DIPK1B: variants seen among roughly 807,000 people sequenced by gnomAD.
The protein encoded by DIPK1B is family with sequence similarity 69 member B.
A neutral mutation model predicts 20.7 loss-of-function variants in DIPK1B; 17 were observed. The observed-to-expected ratio is 0.82, with a 90% CI of 0.56 to 1.23. DIPK1B has a LOEUF of 1.23. DIPK1B is among the 50% of genes most tolerant of loss of function. The pLI is 0.00. For synonymous variants in DIPK1B, 343 were observed against 276.5 expected (o/e 1.24, Z -2.39); for missense variants, 648 against 601.8 (o/e 1.08, Z -0.80).
intron 2 of DIPK1B, chr9:136,721,569 C>T (rs1365840201): frequency 2.0e-5 from 6 of 293,300 alleles, no homozygotes; most frequent in Admixed American, 1.9e-4. Context: ...GTCGGCTGGG[C>T]GGAGAGCTGC....
At chr9:136,720,446 C>CTG (rs1227852274) in intron 2 of DIPK1B, among the ~76,000 whole-genome samples, 1 of 152,062 alleles carries the variant, frequency 6.6e-6, no homozygotes, top group African/African-American at 2.4e-5. Flanking sequence ...TCCATGGCAA[C>CTG]TGAGGCTGTA....
At chr9:136,722,670 G>A in intron 4 of DIPK1B, 1 of 570,716 alleles carries the variant, frequency 1.8e-6, no homozygotes. Flanking sequence ...CATCCTCAGG[G>A]AAGCTCTGAG....
chr9:136,714,733 C>T (rs988836565), intron 1 of DIPK1B, among the ~76,000 whole-genome samples: 2 of 152,250 alleles, frequency 1.3e-5, no homozygotes, highest in African/African-American at 4.8e-5. Context: ...GCCTGGAGGG[C>T]TCCCCACACC....
At chr9:136,717,512 G>A (rs1215183238) in intron 1 of DIPK1B, 65 bp from the exon 2 acceptor site, 6 of 1,555,700 alleles carry the variant, frequency 3.9e-6, no homozygotes, top group Non-Finnish European at 4.3e-6. Context: ...TGGGAAGTGG[G>A]GTTGAGAGCA....
rs1846665391 is a variant in DIPK1B at position 136,724,063 on chromosome 9, C to T, written c.*289C>T. 2.4e-6 allele frequency: 1 copy of T among 420,164 alleles called. No homozygotes were observed. The highest frequency in any genetic ancestry group is 4.4e-6 in the Non-Finnish European group (1 of 227,640). 26.0% of individuals were successfully genotyped at this position (420,164 alleles called of 1,614,324 possible). A position where few individuals can be genotyped will look rare whatever the true frequency, so the allele number is the denominator to read the frequency against. ...TGCCCAGGGCTGAGCACCCTGAGCC[C>T]CCATCGATGCTGTGTGTGGGACCCT... On this transcript the variant is annotated 3_prime_UTR_variant, in exon 5 of 5. Coordinates refer to ENST00000371692, the MANE Select transcript of DIPK1B (RefSeq NM_152421.4).
intron 1 of DIPK1B, among the ~76,000 whole-genome samples, chr9:136,714,597 A>C: frequency 6.6e-6 from 1 of 152,154 alleles, no homozygotes; most frequent in East Asian, 1.9e-4. Context: ...ATCCGACCTT[A>C]TCCTGCCAGA....
chr9:136,723,553 G>C lies in DIPK1B; in HGVS notation c.1075G>C (p.Gly359Arg), dbSNP rs765465938. Residue 359 changes from glycine to arginine, a missense_variant, in exon 5 of 5, where the codon GGC (glycine) becomes CGC (arginine). Coordinates refer to ENST00000371692, the MANE Select transcript of DIPK1B (RefSeq NM_152421.4). The stretch of plus-strand genomic sequence containing the variant: ...TGACAGGCTCATGAGGCAGTGCAAG[G>C]GCGACCTCATCCAGCCCAACCTGGC... ...PCDRLMRQCK[G>R]DLIQPNLAKV... 6.3e-7 allele frequency: 1 copy of C among 1,598,810 alleles called. No homozygotes were observed. The highest frequency in any genetic ancestry group is 1.1e-5 in the South Asian group (1 of 89,190).
intron 2 of DIPK1B, chr9:136,720,967 GACCC>G (rs1846590330): frequency 1.3e-5 from 2 of 152,274 alleles, no homozygotes; most frequent in Admixed American, 6.5e-5. Context: ...GACAGGAGGA[GACCC>G]ACACCTGAGA....
intron 1 of DIPK1B, among the ~76,000 whole-genome samples, chr9:136,716,855 C>T (rs1044401743): frequency 7.9e-5 from 12 of 152,162 alleles, no homozygotes; most frequent in Admixed American, 2.6e-4. Context: ...CAGTGTCTCT[C>T]GCGGTGGGCG....
Position 136,723,205 on chromosome 9 carries a change from G to A in DIPK1B, c.727G>A (p.Ala243Thr), listed in dbSNP as rs371582245. The A allele has an allele frequency of 1.1e-5, 18 of 1,612,360 alleles. No homozygotes were observed. In the East Asian group the frequency reaches 2.0e-4, roughly 18 times the overall value. ...GCCGCATGGCGCCTGGCACGCGGCCGCCCTTCCACCCCTGTTGCGCCCACT... is the reference window on the plus strand; with the variant it reads ...GCCGCATGGCGCCTGGCACGCGGCCACCCTTCCACCCCTGTTGCGCCCACT... ...GVPHGAWHAA[A>T]LPPLLRPLLP... The change falls in exon 5 of 5, where the codon GCC becomes ACC. Residue 243 changes from alanine (A) to threonine (T), a missense_variant. By Grantham distance (58) the Ala-to-Thr change is moderately conservative. Transcript: ENST00000371692.
chr9:136,714,911 A>G (rs1846475779), intron 1 of DIPK1B, among the ~76,000 whole-genome samples: 1 of 152,214 alleles, frequency 6.6e-6, no homozygotes, highest in African/African-American at 2.4e-5. Context: ...TGAAAGAACC[A>G]GAAAAAACGA....
At chr9:136,713,781 C>T (rs556169269) in intron 1 of DIPK1B, among the ~76,000 whole-genome samples, 8 of 152,340 alleles carry the variant, frequency 5.3e-5, no homozygotes, top group Admixed American at 1.3e-4. Flanking sequence ...GTGGCTGGCT[C>T]GGGGCCAGAG....
chr9:136,712,624 G>T lies in DIPK1B; in HGVS notation c.-42G>T. 9.7e-7 allele frequency: 1 copy of T among 1,030,042 alleles called. No individual in the cohort carries two copies. Among genetic ancestry groups the T allele is most frequent in the South Asian group, 3.8e-5 (1 of 26,088 alleles). The allele number at this position is 1,030,042 out of a possible 1,614,324, so 63.8% of individuals were successfully genotyped here. ...GCCGGGCCGGGCCGGGGCTGAGGCC[G>T]AGCGAGCCGCGGGGCCCGCGCAGCC... On this transcript the variant is annotated 5_prime_UTR_variant, in exon 1 of 5. Coordinates refer to ENST00000371692, the MANE Select transcript of DIPK1B (RefSeq NM_152421.4). The surrounding 1 kb of genome is among the most constrained non-coding windows in gnomAD (Gnocchi z 5.6).
intron 2 of DIPK1B, among the ~76,000 whole-genome samples, chr9:136,718,477 G>A (rs1846537618): frequency 6.6e-6 from 1 of 152,162 alleles, no homozygotes. Context: ...GTGACCCCCT[G>A]CCCCTCTCCA....
At chr9:136,719,374 G>A (rs73554033) in intron 2 of DIPK1B, among the ~76,000 whole-genome samples, 6,635 of 152,306 alleles carry the variant, frequency 0.044, 473 homozygotes, top group African/African-American at 0.15. Context: ...AGCCACCCCA[G>A]GGGCCATGGA....
At position 136,717,619 on chromosome 9, in the gene DIPK1B, T is replaced by C. The variant is rs1433108940; in HGVS notation, c.106T>C (p.Trp36Arg). 1.2e-6 allele frequency: 2 copies of C among 1,604,238 alleles called. No homozygotes were observed. The highest frequency in any genetic ancestry group is 3.3e-5 in the Admixed American group (2 of 60,016). Residue 36 changes from tryptophan to arginine, a missense_variant, in exon 2 of 5, where the codon TGG becomes CGG. By Grantham distance (101) the Trp-to-Arg change is moderately radical (BLOSUM62 -3). Coordinates refer to ENST00000371692, the MANE Select transcript of DIPK1B (RefSeq NM_152421.4). ...CAGGGTCCGCTGCATCTTCCTGGCCTGGCTGGGCGTCTTTGCAGGCAGCTG... is the reference window on the plus strand; with the variant it reads ...CAGGGTCCGCTGCATCTTCCTGGCCCGGCTGGGCGTCTTTGCAGGCAGCTG... The part of the protein sequence containing the change: ...GLRVRCIFLA[W>R]LGVFAGSWLV...
chr9:136,716,092 C>G (rs188394674), intron 1 of DIPK1B, among the ~76,000 whole-genome samples: 19 of 152,080 alleles, frequency 1.2e-4, no homozygotes, highest in South Asian at 4.2e-4. Context: ...CACTGAGCCT[C>G]TTGTCCTGGG....
In DIPK1B at chr9:136,717,834, T is replaced by C. The variant is rs533196813; in HGVS notation, c.198+123T>C. 56 of 1,450,168 alleles carry C rather than the reference T, an allele frequency of 3.9e-5. No homozygotes were observed. The African/African-American group carries it at 7.7e-4, about 20-fold the overall frequency. 89.8% of individuals were successfully genotyped at this position (1,450,168 alleles called of 1,614,324 possible). ...AGGGCCCACGAGGCACGTGGGTTTC[T>C]AGGTGGAATCTGCAAAGCTGCCTCA... On this transcript the variant is annotated intron_variant, in intron 2 of 4. Transcript: ENST00000371692.
At chr9:136,722,367 C>T in intron 4 of DIPK1B, 66 bp downstream of exon 4, 1 of 1,529,768 alleles carries the variant, frequency 6.5e-7, no homozygotes, top group Non-Finnish European at 8.9e-7. Context: ...AGCAGGCGGC[C>T]CTGGCACCAA....
Sources: allele counts gnomAD v4.1 joint callset (sites outside exome capture counted in the v4.1 genomes callset), GRCh38; gene constraint gnomAD v4.1.1; non-coding constraint Gnocchi (gnomAD v3.1); transcripts MANE v1.5; gene names NCBI Gene and HGNC (gene_info 2026-07-23, HGNC 2026-07-21).